Variants in NPHP4 observed in about 807,000 individuals in gnomAD.
NPHP4 encodes the protein nephrocystin-4.
A neutral mutation model predicts 155.8 loss-of-function variants in NPHP4; 151 were observed. That is an observed-to-expected ratio of 0.97 (90% CI 0.85 to 1.11). NPHP4 has a LOEUF of 1.11. NPHP4 is among the 50% of genes least tolerant of loss of function. NPHP4 has a pLI of 0.00. For synonymous variants in NPHP4, 845 were observed against 816.8 expected (o/e 1.03, Z -0.59); for missense variants, 1,956 against 1,925.7 (o/e 1.02, Z -0.29).
intron 2 of NPHP4, among the ~76,000 whole-genome samples, chr1:5,978,615 G>A (rs1421629554): frequency 2.0e-5 from 3 of 152,110 alleles, no homozygotes; most frequent in South Asian, 2.1e-4. Flanking sequence ...CCTGGCCAAC[G>A]AAAGACTGCA....
chr1:5,954,570 G>A (rs35206665), intron 6 of NPHP4, among the ~76,000 whole-genome samples: 27,314 of 152,138 alleles, frequency 0.18, 2,515 homozygotes, highest in African/African-American at 0.22. Flanking sequence ...GATTTTTAAA[G>A]AGGTGCCAAG....
chr1:5,935,757 C>G (rs1305085626), intron 9 of NPHP4, among the ~76,000 whole-genome samples: 3 of 152,136 alleles, frequency 2.0e-5, no homozygotes, highest in African/African-American at 7.2e-5. Flanking sequence ...CACCTGTAAT[C>G]CCAGCTACTC....
Position 5,865,287 on chromosome 1 carries a change from G to A in NPHP4, c.3645-14C>T. The A allele has an allele frequency of 6.5e-7, 1 of 1,529,070 alleles. No homozygotes were observed. Among genetic ancestry groups the A allele is most frequent in the South Asian group, 1.2e-5 (1 of 81,832 alleles). 94.7% of individuals were successfully genotyped at this position (1,529,070 alleles called of 1,614,324 possible). The stretch of plus-strand genomic sequence containing the variant: ...AGCCAGCGATCCCTGCAGTGGGATG[G>A]GAGCCATCTGCACTTGTCCCGGAGG... On this transcript the variant is annotated splice_polypyrimidine_tract_variant and intron_variant, in intron 26 of 29. Coordinates refer to ENST00000378156, the MANE Select transcript of NPHP4 (RefSeq NM_015102.5).
intron 9 of NPHP4, among the ~76,000 whole-genome samples, chr1:5,938,739 T>C (rs914268612): frequency 1.3e-5 from 2 of 152,206 alleles, no homozygotes; most frequent in East Asian, 1.9e-4. Context: ...CTGAAGCAAA[T>C]CTGACTGATT....
rs1468813039 is a variant in NPHP4, at chr1:5,952,780, A to C, written c.730T>G (p.Leu244Val). The C allele has an allele frequency of 6.3e-7, 1 of 1,589,508 alleles. No individual in the cohort carries two copies. The highest frequency in any genetic ancestry group is 2.3e-5 in the East Asian group (1 of 43,760). ...QKPITGHLDD[L>V]FFTLYPSLEK... ...AGGGAGGGGTACAGGGTGAAGAATAAGTCATCCAAGTGCCCCGTGATGGGC... is the reference window on the plus strand; with the variant it reads ...AGGGAGGGGTACAGGGTGAAGAATACGTCATCCAAGTGCCCCGTGATGGGC... Residue 244 changes from leucine (L) to valine (V), a missense_variant, in exon 7 of 30, where the codon TTA (leucine) becomes GTA (valine). Coordinates refer to ENST00000378156, the MANE Select transcript of NPHP4 (RefSeq NM_015102.5).
chr1:5,893,066 G>A (rs1644217552), intron 16 of NPHP4, among the ~76,000 whole-genome samples: 1 of 152,180 alleles, frequency 6.6e-6, no homozygotes, highest in African/African-American at 2.4e-5. Context: ...GGTGTGGGGT[G>A]CAGGGATCGA....
intron 9 of NPHP4, among the ~76,000 whole-genome samples, chr1:5,940,765 C>A (rs1046625926): frequency 2.0e-5 from 3 of 151,998 alleles, no homozygotes; most frequent in African/African-American, 7.3e-5. Flanking sequence ...ATTTTAAAAC[C>A]ATTTTTAAAA....
At chr1:5,965,897 C>T (rs990749518) in intron 5 of NPHP4, among the ~76,000 whole-genome samples, 3 of 152,168 alleles carry the variant, frequency 2.0e-5, no homozygotes, top group African/African-American at 4.8e-5. Context: ...AGTGCCACCA[C>T]GTTTTGAACA....
chr1:5,869,025 A>C (rs1028597073), intron 23 of NPHP4, among the ~76,000 whole-genome samples: 5 of 140,318 alleles, frequency 3.6e-5, no homozygotes, highest in Admixed American at 7.1e-5. Context: ...ACACACATGC[A>C]CACACATACA....
intron 17 of NPHP4, among the ~76,000 whole-genome samples, chr1:5,888,853 G>GC (rs1316292760): frequency 6.6e-6 from 1 of 152,188 alleles, no homozygotes; most frequent in Non-Finnish European, 1.5e-5. Flanking sequence ...CATGCCTGCG[G>GC]CCCTCACGGT....
chr1:5,958,059 G>GT (rs1553191426), intron 6 of NPHP4, among the ~76,000 whole-genome samples: 1 of 152,232 alleles, frequency 6.6e-6, no homozygotes, highest in Non-Finnish European at 1.5e-5. Flanking sequence ...TAGTGAATAC[G>GT]TAAAAAGTAT....
At chr1:5,973,380 C>T (rs1442909896) in intron 3 of NPHP4, among the ~76,000 whole-genome samples, 1 of 152,134 alleles carries the variant, frequency 6.6e-6, no homozygotes, top group Non-Finnish European at 1.5e-5. Context: ...AGTGAGCAGA[C>T]ATGATTATAA....
intron 9 of NPHP4, among the ~76,000 whole-genome samples, chr1:5,934,182 G>T (rs754223004): frequency 6.6e-6 from 1 of 152,218 alleles, no homozygotes; most frequent in African/African-American, 2.4e-5. Context: ...CTGAACCAAG[G>T]CCCTGCCTGC....
chr1:5,886,551 CCCAAA>C (rs1643821442), intron 18 of NPHP4: 1 of 152,342 alleles, frequency 6.6e-6, no homozygotes, highest in East Asian at 1.9e-4. Flanking sequence ...CCTGAAAAAT[CCCAAA>C]CGTTCCAGAG....
intron 5 of NPHP4, among the ~76,000 whole-genome samples, chr1:5,963,520 G>C (rs1228974174): frequency 6.6e-6 from 1 of 152,054 alleles, no homozygotes; most frequent in Non-Finnish European, 1.5e-5. Flanking sequence ...GGCTAGTCAG[G>C]AGTCACAACC....
At chr1:5,922,860 A>C (rs1176594273) in intron 11 of NPHP4, among the ~76,000 whole-genome samples, 1 of 152,030 alleles carries the variant, frequency 6.6e-6, no homozygotes, top group Non-Finnish European at 1.5e-5. Flanking sequence ...TTAGCCGGGC[A>C]CGGTGGCACT....
At chr1:5,874,692 C>T in intron 21 of NPHP4, 35 bp from the exon 22 acceptor site, 2 of 1,603,234 alleles carry the variant, frequency 1.2e-6, no homozygotes, top group South Asian at 1.1e-5. Context: ...CAGGGCAGTT[C>T]TTCCCAGGAG....
intron 7 of NPHP4, among the ~76,000 whole-genome samples, chr1:5,951,746 T>G (rs556327485): frequency 6.4e-4 from 97 of 152,304 alleles, no homozygotes; most frequent in African/African-American, 2.3e-3. Flanking sequence ...TCCCCAAACC[T>G]GCAAAGGCTT....
intron 9 of NPHP4, among the ~76,000 whole-genome samples, chr1:5,937,679 C>T (rs1215502726): frequency 6.6e-6 from 1 of 152,174 alleles, no homozygotes; most frequent in African/African-American, 2.4e-5. Flanking sequence ...AGGCCTTATC[C>T]AGATAGAGAG....
Sources: allele counts gnomAD v4.1 joint callset (sites outside exome capture counted in the v4.1 genomes callset), GRCh38; gene constraint gnomAD v4.1.1; transcripts MANE v1.5; gene names NCBI Gene and HGNC (gene_info 2026-07-23, HGNC 2026-07-21).